KIF13B: variants seen among roughly 807,000 people sequenced by gnomAD.
KIF13B encodes the protein kinesin-like protein KIF13B.
A neutral mutation model predicts 222.0 loss-of-function variants in KIF13B; 127 were observed. That is an observed-to-expected ratio of 0.57 (90% confidence interval 0.50 to 0.66). The LOEUF is 0.66. Among genes scored for constraint, KIF13B ranks in the 30% least tolerant of loss-of-function variants. The probability of loss-of-function intolerance (pLI) is 0.00; values close to 1 mark genes in which losing one functional copy is unlikely to be tolerated. For missense variants in KIF13B, 2,173 were observed against 2,379.0 expected (o/e 0.91, Z 1.80); for synonymous variants, 976 against 919.0 (o/e 1.06, Z -1.12).
intron 35 of KIF13B, among the ~76,000 whole-genome samples, chr8:29,106,659 A>AAAG (rs1809086152): frequency 7.0e-6 from 1 of 142,368 alleles, no homozygotes. Flanking sequence ...AAAAAAAAAA[A>AAAG]GTCTAATTAA....
chr8:29,079,413 C>T (rs537108912), intron 37 of KIF13B, among the ~76,000 whole-genome samples: 69 of 152,360 alleles, frequency 4.5e-4, no homozygotes, highest in African/African-American at 1.5e-3. Flanking sequence ...TGGCTCTAAA[C>T]AGGCTTCTCT....
chr8:29,101,417 G>A (rs1041853108), intron 35 of KIF13B, among the ~76,000 whole-genome samples: 1 of 152,112 alleles, frequency 6.6e-6, no homozygotes, highest in Non-Finnish European at 1.5e-5. Context: ...AAACTAAGCC[G>A]CTGATCTGGA....
intron 2 of KIF13B, among the ~76,000 whole-genome samples, chr8:29,201,086 T>A (rs191188478): frequency 6.8e-4 from 103 of 152,340 alleles, no homozygotes; most frequent in African/African-American, 2.5e-3. Context: ...TTTCTCATCG[T>A]CATACTTTCA....
chr8:29,228,167 T>G (rs1005792858), intron 2 of KIF13B, among the ~76,000 whole-genome samples: 7 of 151,474 alleles, frequency 4.6e-5, no homozygotes, highest in Non-Finnish European at 8.8e-5. Context: ...GTGACTAAAA[T>G]AATGACTAAA....
rs1450435098 is a variant in KIF13B at position 29,068,112 on chromosome 8, T to A, written c.*2392A>T. 2 of 152,482 alleles carry A rather than the reference T, an allele frequency of 1.3e-5. No homozygotes were observed. Among genetic ancestry groups the A allele is most frequent in the African/African-American group, 4.8e-5 (2 of 41,562 alleles). The allele number at this position is 152,482 out of a possible 1,614,324, so 9.4% of individuals were successfully genotyped here. A position where few individuals can be genotyped will look rare whatever the true frequency, so the allele number is the denominator to read the frequency against. ...CCCCCATCTCTGACAGCGCCGCGTG[T>A]GCAGTTACTGCCCTTCCCGGCCTTG... On this transcript the variant is annotated 3_prime_UTR_variant, in exon 40 of 40. Coordinates refer to ENST00000524189, the MANE Select transcript of KIF13B (RefSeq NM_015254.4). This position sits in a 1 kb window ranked among gnomAD's most constrained non-coding sequence, Gnocchi z 4.4.
intron 35 of KIF13B, among the ~76,000 whole-genome samples, chr8:29,099,614 C>T (rs971216981): frequency 1.3e-5 from 2 of 152,116 alleles, no homozygotes; most frequent in African/African-American, 2.4e-5. Flanking sequence ...TCAAGCAATC[C>T]TCCTTCCTTG....
intron 35 of KIF13B, among the ~76,000 whole-genome samples, chr8:29,105,027 T>G (rs1447755603): frequency 1.3e-5 from 2 of 151,862 alleles, no homozygotes; most frequent in Admixed American, 6.6e-5. Flanking sequence ...AGTGCAATGG[T>G]GCAATCATAG....
In KIF13B at chr8:29,128,104, A is replaced by G. The variant is rs182069728; in HGVS notation, c.3076-836T>C. On this transcript the variant is annotated intron_variant, in intron 24 of 39. Transcript: ENST00000524189. ...ATAACTTGTATATAATACATAAAAT[A>G]TAATTTACTGATATAGCAGTATATA... Among the ~76,000 whole-genome samples the G allele has an allele frequency of 1.3e-3, 198 of 149,466 alleles. 3 individuals are homozygous for G. The East Asian group carries it at 0.029, about 22-fold the overall frequency.
intron 24 of KIF13B, among the ~76,000 whole-genome samples, chr8:29,130,172 T>A (rs1207856477): frequency 1.3e-5 from 2 of 152,250 alleles, no homozygotes; most frequent in East Asian, 3.8e-4. Flanking sequence ...AAAGTTTATC[T>A]TTTTCTTACC....
chr8:29,139,705 C>A (rs1161319018), intron 21 of KIF13B, among the ~76,000 whole-genome samples: 1 of 152,182 alleles, frequency 6.6e-6, no homozygotes, highest in Non-Finnish European at 1.5e-5. Flanking sequence ...CTTCGCTTCA[C>A]CTCACCTCCT....
At chr8:29,175,292 GTC>G (rs1025785396) in intron 10 of KIF13B, among the ~76,000 whole-genome samples, 9 of 152,132 alleles carry the variant, frequency 5.9e-5, no homozygotes, top group African/African-American at 2.2e-4. Flanking sequence ...CTGGAAATAA[GTC>G]TCTCTTTTTT....
Position 29,262,985 on chromosome 8 carries a change from C to T in KIF13B, c.50G>A (p.Arg17Gln). The T allele has an allele frequency of 6.3e-7, 1 of 1,592,964 alleles. No individual in the cohort carries two copies. ...KVAVRIRPMN[R>Q]RETDLHTKCV... ...CAGGAGGGCTCGGCTCTCACCTCGC[C>T]GGTTCATGGGTCGTATCCGCACCGC... The change falls in exon 1 of 40, where the codon CGG becomes CAG. Residue 17 changes from arginine (R) to glutamine (Q), a missense_variant. Physicochemically the swap from Arg to Gln is conservative, Grantham distance 43. Transcript: ENST00000524189.
chr8:29,102,257 C>T (rs1306256787), intron 35 of KIF13B, among the ~76,000 whole-genome samples: 1 of 151,444 alleles, frequency 6.6e-6, no homozygotes, highest in Non-Finnish European at 1.5e-5. Flanking sequence ...TACTTCTCCT[C>T]CAGTAATCTA....
chr8:29,173,937 C>A (rs1015464561), intron 10 of KIF13B, among the ~76,000 whole-genome samples: 1 of 105,022 alleles, frequency 9.5e-6, no homozygotes. Flanking sequence ...AGCGAGGCTC[C>A]GTCTCAAAAA....
At chr8:29,206,923 C>A (rs1461123188) in intron 2 of KIF13B, among the ~76,000 whole-genome samples, 1 of 152,034 alleles carries the variant, frequency 6.6e-6, no homozygotes, top group Non-Finnish European at 1.5e-5. Flanking sequence ...TGATGGTGAC[C>A]AAGTGGAAGC....
chr8:29,147,188 C>T (rs1811094321), intron 17 of KIF13B, among the ~76,000 whole-genome samples: 1 of 152,196 alleles, frequency 6.6e-6, no homozygotes, highest in African/African-American at 2.4e-5. Flanking sequence ...ACACCTAACA[C>T]CAACAGTTTT....
At chr8:29,087,867 A>G (rs929567130) in intron 37 of KIF13B, among the ~76,000 whole-genome samples, 4 of 152,082 alleles carry the variant, frequency 2.6e-5, no homozygotes, top group African/African-American at 9.7e-5. Context: ...ACGCCACTGC[A>G]CTCCAGCCTG....
At chr8:29,211,407 C>T (rs1814218008) in intron 2 of KIF13B, among the ~76,000 whole-genome samples, 1 of 90,326 alleles carries the variant, frequency 1.1e-5, no homozygotes, top group African/African-American at 3.9e-5. Context: ...GTGAGCCCTT[C>T]GACTGCCCAG....
At chr8:29,177,631 G>T in intron 8 of KIF13B, 53 bp from the exon 9 acceptor site, 1 of 1,201,642 alleles carries the variant, frequency 8.3e-7, no homozygotes, top group South Asian at 1.2e-5. Flanking sequence ...GCCAGGTGTG[G>T]TGGCTCATGC....
Sources: gnomAD v4.1 joint callset for allele counts (sites outside exome capture counted in the v4.1 genomes callset) on GRCh38, gnomAD v4.1.1 for gene constraint, Gnocchi (gnomAD v3.1) non-coding constraint, MANE v1.5 for transcripts, NCBI Gene and HGNC (gene_info 2026-07-23, HGNC 2026-07-21) for gene names.